The following DLG1 variants were observed in gnomAD, a reference collection of about 807,000 sequenced individuals.
DLG1 encodes the protein disks large homolog 1.
A neutral mutation model predicts 123.4 loss-of-function variants in DLG1; 42 were observed. The ratio of observed to expected loss-of-function variants is 0.34; its 90% CI spans 0.27 to 0.44. The LOEUF (loss-of-function observed/expected upper bound fraction) is 0.44. Among genes scored for constraint, DLG1 ranks in the 20% least tolerant of loss-of-function variants. The pLI is 1.00. For missense variants in DLG1, 942 were observed against 1,082.6 expected (o/e 0.87, Z 1.82); for synonymous variants, 317 against 356.2 (o/e 0.89, Z 1.24).
intron 3 of DLG1, among the ~76,000 whole-genome samples, chr3:197,286,439 C>A (rs546583391): frequency 6.6e-6 from 1 of 152,298 alleles, no homozygotes; most frequent in South Asian, 2.1e-4. Flanking sequence ...AGATCCCTTG[C>A]ACGCGCAGTT....
chr3:197,155,175 C>G (rs1219922667), intron 5 of DLG1, among the ~76,000 whole-genome samples: 2 of 151,964 alleles, frequency 1.3e-5, no homozygotes, highest in Non-Finnish European at 2.9e-5. Context: ...TTGAAAGCAA[C>G]AAGAGAAGTG....
At chr3:197,297,945 G>A (rs1778322900) in intron 1 of DLG1, 2 of 982,004 alleles carry the variant, frequency 2.0e-6, no homozygotes, top group South Asian at 4.7e-5. Context: ...GACGGGGGAG[G>A]AGCTCCCCTG....
At chr3:197,049,245 A>G (rs1725544033) in intron 24 of DLG1, among the ~76,000 whole-genome samples, 1 of 152,154 alleles carries the variant, frequency 6.6e-6, no homozygotes, top group African/African-American at 2.4e-5. Context: ...AGAACCCAGG[A>G]GGCGATGGTT....
chr3:197,182,966 T>C (rs980997382), intron 5 of DLG1, among the ~76,000 whole-genome samples: 1 of 152,140 alleles, frequency 6.6e-6, no homozygotes, highest in African/African-American at 2.4e-5. Context: ...TGAAAAAATA[T>C]TCCATGACTG....
At chr3:197,295,099 A>T (rs1776790690) in intron 3 of DLG1, among the ~76,000 whole-genome samples, 2 of 152,210 alleles carry the variant, frequency 1.3e-5, no homozygotes, top group Non-Finnish European at 2.9e-5. Flanking sequence ...ATGTGTAAAA[A>T]ATGTCCATCA....
Position 197,043,811 on chromosome 3 carries a change from C to CTGAT in DLG1, c.*808_*811dup, listed in dbSNP as rs562101334. 7.2e-5 allele frequency: 11 copies of CTGAT among 152,184 alleles called. No individual in the cohort carries two copies. The highest frequency in any genetic ancestry group is 2.6e-4 in the African/African-American group (11 of 41,542). 9.4% of individuals were successfully genotyped at this position (152,184 alleles called of 1,614,324 possible). ...GGTTACTACGTCACCACTGTAACGT[C>CTGAT]TGATTTATCTGTATTTATATCTAGG... is the stretch of plus-strand genomic sequence containing the variant. On this transcript the variant is annotated 3_prime_UTR_variant, in exon 25 of 25. Coordinates refer to ENST00000667157, the MANE Select transcript of DLG1 (RefSeq NM_001366207.1).
chr3:197,071,406 T>G (rs979056114), intron 18 of DLG1, among the ~76,000 whole-genome samples: 1 of 147,678 alleles, frequency 6.8e-6, no homozygotes, highest in Non-Finnish European at 1.5e-5. Context: ...TCACTGTCTT[T>G]TTTTTTTTTT....
chr3:197,256,290 A>G (rs978268664), intron 4 of DLG1, among the ~76,000 whole-genome samples: 3 of 152,284 alleles, frequency 2.0e-5, no homozygotes, highest in Non-Finnish European at 4.4e-5. Context: ...CTGCCACTGT[A>G]GCACTAAAGC....
intron 24 of DLG1, among the ~76,000 whole-genome samples, chr3:197,050,357 A>T (rs929574053): frequency 7.1e-6 from 1 of 140,146 alleles, no homozygotes; most frequent in African/African-American, 2.5e-5. Flanking sequence ...ACAGAGCCAG[A>T]CTCCATTTCA....
intron 5 of DLG1, among the ~76,000 whole-genome samples, chr3:197,172,017 T>A (rs780327882): frequency 6.6e-6 from 1 of 152,138 alleles, no homozygotes; most frequent in Non-Finnish European, 1.5e-5. Context: ...TTCTTCTATT[T>A]CCCCCACACA....
chr3:197,140,330 T>C (rs1787337197), intron 7 of DLG1, 66 bp from the exon 8 acceptor site: 49 of 1,526,660 alleles, frequency 3.2e-5, no homozygotes, highest in Non-Finnish European at 4.4e-5. Context: ...TTCCTGTCAT[T>C]AAAGGACGCA....
chr3:197,256,030 ATGT>A (rs757855277), intron 4 of DLG1, among the ~76,000 whole-genome samples: 9 of 152,246 alleles, frequency 5.9e-5, no homozygotes, highest in Non-Finnish European at 8.8e-5. Context: ...TTATTAGATG[ATGT>A]TAAGATACTA....
chr3:197,282,952 A>T (rs1315301303), intron 3 of DLG1, 107 bp from the exon 4 acceptor site: 2 of 600,348 alleles, frequency 3.3e-6, no homozygotes, highest in Admixed American at 3.1e-5. Flanking sequence ...TAGATTAGTA[A>T]ATCAATTCCC....
chr3:197,115,601 T>C (rs944765734), intron 13 of DLG1, among the ~76,000 whole-genome samples: 2 of 152,124 alleles, frequency 1.3e-5, no homozygotes, highest in African/African-American at 2.4e-5. Flanking sequence ...AAAACCTCAA[T>C]AGATCAAGAA....
intron 24 of DLG1, among the ~76,000 whole-genome samples, chr3:197,045,753 TA>T (rs920008955): frequency 3.2e-4 from 49 of 152,006 alleles, no homozygotes; most frequent in Non-Finnish European, 3.4e-4. Flanking sequence ...TTGTGTCTCG[TA>T]AAAAAGTTTA....
chr3:197,094,252 T>C (rs1317951652), intron 14 of DLG1, among the ~76,000 whole-genome samples: 8 of 152,250 alleles, frequency 5.3e-5, no homozygotes, highest in Non-Finnish European at 1.0e-4. Flanking sequence ...CCTGAATTCC[T>C]AACCTACAAA....
chr3:197,297,841 C>T (rs981901160), intron 1 of DLG1: 2 of 985,220 alleles, frequency 2.0e-6, no homozygotes, highest in African/African-American at 1.7e-5. Flanking sequence ...TGGGGTGCGC[C>T]CCGGCCAGAC....
intron 4 of DLG1, among the ~76,000 whole-genome samples, chr3:197,203,086 ACT>A (rs566110451): frequency 4.6e-5 from 7 of 152,212 alleles, no homozygotes; most frequent in African/African-American, 1.7e-4. Flanking sequence ...CATTTTTGAG[ACT>A]CTGCCTCTAC....
At chr3:197,138,663 C>T (rs1196482370) in intron 8 of DLG1, among the ~76,000 whole-genome samples, 1 of 152,092 alleles carries the variant, frequency 6.6e-6, no homozygotes, top group East Asian at 1.9e-4. Flanking sequence ...CTACCATTTG[C>T]ATACTTCCTG....
Sources: allele counts gnomAD v4.1 joint callset (sites outside exome capture counted in the v4.1 genomes callset), GRCh38; gene constraint gnomAD v4.1.1; transcripts MANE v1.5; gene names NCBI Gene and HGNC (gene_info 2026-07-23, HGNC 2026-07-21).